Variants in GPC6 observed in about 807,000 individuals in gnomAD.
The protein encoded by GPC6 is glypican-6.
Under a neutral mutation model 55.2 loss-of-function variants are expected in GPC6, and 14 were observed. The ratio of observed to expected loss-of-function variants is 0.25; its 90% CI spans 0.17 to 0.40. The LOEUF is 0.40. GPC6 is among the 10% of genes least tolerant of loss of function. The pLI, the probability that GPC6 is intolerant of heterozygous loss-of-function variation, is 1.00. For synonymous variants in GPC6, 278 were observed against 259.6 expected, an observed-to-expected ratio of 1.07 and a Z score of -0.68; for missense variants, 641 against 708.5, an observed-to-expected ratio of 0.90 and a Z score of 1.08.
intron 3 of GPC6, among the ~76,000 whole-genome samples, chr13:93,918,294 AC>A (rs1270528711): frequency 6.6e-6 from 1 of 152,120 alleles, no homozygotes; most frequent in African/African-American, 2.4e-5. Context: ...ACTTAAGATT[AC>A]CCTTGACTGA....
At chr13:93,572,222 A>G (rs1221002189) in intron 2 of GPC6, among the ~76,000 whole-genome samples, 1 of 152,104 alleles carries the variant, frequency 6.6e-6, no homozygotes, top group Non-Finnish European at 1.5e-5. Context: ...CTACTAAAGG[A>G]TATAGGTTGG....
rs573277145 is a variant in GPC6 at position 94,207,924 on chromosome 13, A to T, written c.878-78425A>T. ...TACATTATTTTTGCACCAACTTCACATTATTTTTACAATTTATTATTTGAA... is the reference window on the plus strand; with the variant it reads ...TACATTATTTTTGCACCAACTTCACTTTATTTTTACAATTTATTATTTGAA... On this transcript the variant is annotated intron_variant, in intron 4 of 8. Transcript: ENST00000377047. 1.6e-4 allele frequency among the ~76,000 whole-genome samples: 24 copies of T among 152,260 alleles called. No homozygotes were observed. In the East Asian group the frequency reaches 4.6e-3, roughly 29 times the overall value.
intron 1 of GPC6, among the ~76,000 whole-genome samples, chr13:93,231,360 CGTATATATATATATATATACAT>C (rs1876018183): frequency 6.7e-5 from 1 of 14,944 alleles, no homozygotes; most frequent in African/African-American, 2.5e-4. Flanking sequence ...TATATATATA[CGTATATATATATATATATACAT>C]ATATATATAT....
chr13:93,708,937 C>T (rs1420244060), intron 2 of GPC6, among the ~76,000 whole-genome samples: 1 of 151,712 alleles, frequency 6.6e-6, no homozygotes, highest in Non-Finnish European at 1.5e-5. Flanking sequence ...TTGCCCAAGC[C>T]ACACAGGGAG....
At chr13:93,870,688 A>G (rs934249288) in intron 3 of GPC6, among the ~76,000 whole-genome samples, 1 of 150,392 alleles carries the variant, frequency 6.6e-6, no homozygotes, top group Admixed American at 6.6e-5. Flanking sequence ...TATCTTTATA[A>G]GAAGAGATAA....
At chr13:93,526,265 A>G (rs1349669427) in intron 1 of GPC6, among the ~76,000 whole-genome samples, 1 of 152,094 alleles carries the variant, frequency 6.6e-6, no homozygotes, top group Non-Finnish European at 1.5e-5. Context: ...TAATAGATGC[A>G]CAGACCAAAG....
chr13:94,253,566 A>G (rs1460231942), intron 4 of GPC6, among the ~76,000 whole-genome samples: 1 of 152,086 alleles, frequency 6.6e-6, no homozygotes, highest in African/African-American at 2.4e-5. Flanking sequence ...AAGATGTGGG[A>G]GTCTTTGTGA....
chr13:93,497,235 A>C lies in GPC6; in HGVS notation c.161-48028A>C, dbSNP rs1880338568. Among the ~76,000 whole-genome samples, 2 of 152,176 alleles carry C rather than the reference A, an allele frequency of 1.3e-5. 1 individual carries two copies. The highest frequency in any genetic ancestry group is 4.1e-4 in the South Asian group (2 of 4,830). On this transcript the variant is annotated intron_variant, in intron 1 of 8. Coordinates refer to ENST00000377047, the MANE Select transcript of GPC6 (RefSeq NM_005708.5). ...ATAGTAGCCTAGGGCATCTACATTC[A>C]CATTGTGTCCTGATTGCTCATGTGA... is the stretch of plus-strand genomic sequence containing the variant.
At chr13:94,010,461 G>A (rs1001931225) in intron 3 of GPC6, among the ~76,000 whole-genome samples, 30 of 152,164 alleles carry the variant, frequency 2.0e-4, no homozygotes, top group Middle Eastern at 3.4e-3. Context: ...ACTTGCAGGC[G>A]TTTAATTTAG....
chr13:93,440,662 G>T (rs1594171097), intron 1 of GPC6, among the ~76,000 whole-genome samples: 1 of 149,310 alleles, frequency 6.7e-6, no homozygotes, highest in Admixed American at 6.8e-5. Context: ...TTTACAGCAT[G>T]CAAGTCTTGC....
At chr13:93,393,399 C>A (rs144017532) in intron 1 of GPC6, among the ~76,000 whole-genome samples, 3 of 151,888 alleles carry the variant, frequency 2.0e-5, no homozygotes, top group Non-Finnish European at 4.4e-5. Flanking sequence ...CCACCTCGGC[C>A]GCAGAAAGTG....
intron 3 of GPC6, among the ~76,000 whole-genome samples, chr13:94,022,193 T>C (rs1416199500): frequency 6.6e-6 from 1 of 152,052 alleles, no homozygotes; most frequent in Non-Finnish European, 1.5e-5. Flanking sequence ...AAATTGTTCA[T>C]TCTACATAAT....
intron 4 of GPC6, among the ~76,000 whole-genome samples, chr13:94,159,029 C>T (rs1209500595): frequency 4.6e-5 from 7 of 152,080 alleles, no homozygotes; most frequent in African/African-American, 1.7e-4. Context: ...TGCTTTCCTC[C>T]GACCTGGCAT....
chr13:93,669,654 G>T (rs374824843), intron 2 of GPC6, among the ~76,000 whole-genome samples: 4 of 152,270 alleles, frequency 2.6e-5, no homozygotes, highest in South Asian at 4.1e-4. Flanking sequence ...GGTTGAAGCT[G>T]AGGCCTGTGG....
chr13:93,463,105 A>T (rs1055303469), intron 1 of GPC6, among the ~76,000 whole-genome samples: 3 of 152,192 alleles, frequency 2.0e-5, no homozygotes, highest in Non-Finnish European at 4.4e-5. Flanking sequence ...CAACCTGAAT[A>T]TTATGTTGTG....
At chr13:93,692,283 A>G (rs1882286130) in intron 2 of GPC6, among the ~76,000 whole-genome samples, 1 of 152,124 alleles carries the variant, frequency 6.6e-6, no homozygotes, top group Admixed American at 6.5e-5. Flanking sequence ...GTAATTTAAG[A>G]AATTTCATGT....
intron 4 of GPC6, among the ~76,000 whole-genome samples, chr13:94,284,183 G>A (rs571283766): frequency 9.5e-4 from 145 of 152,250 alleles, no homozygotes; most frequent in Non-Finnish European, 1.6e-3. Context: ...CCCTCTGTCC[G>A]CCTGGGGCCT....
rs140818632 is a variant in GPC6, at chr13:94,323,259, A to T, written c.1152+17136A>T. On this transcript the variant is annotated intron_variant, in intron 6 of 8. Transcript: ENST00000377047. ...CAAATTCAAAGCTTTGCAAGCACAC[A>T]AGCCAAGTTCAAAATCCTGACTATG... Among the ~76,000 whole-genome samples, 62 of 152,294 alleles carry T rather than the reference A, an allele frequency of 4.1e-4. 4 individuals carry two copies. The East Asian group carries it at 0.012, about 29-fold the overall frequency.
intron 3 of GPC6, among the ~76,000 whole-genome samples, chr13:93,863,315 A>G (rs1301381098): frequency 6.6e-6 from 1 of 151,666 alleles, no homozygotes; most frequent in African/African-American, 2.4e-5. Context: ...GGTAGATTCA[A>G]CAGAGACCAT....
Sources: gnomAD v4.1 joint callset for allele counts (sites outside exome capture counted in the v4.1 genomes callset) on GRCh38, gnomAD v4.1.1 for gene constraint, MANE v1.5 for transcripts, NCBI Gene and HGNC (gene_info 2026-07-23, HGNC 2026-07-21) for gene names.